Variants in MLST8 observed in about 807,000 individuals in gnomAD.
The protein encoded by MLST8 is MTOR associated protein MLST8.
A neutral mutation model predicts 41.3 loss-of-function variants in MLST8; 20 were observed. That is an observed-to-expected ratio of 0.48 (90% CI 0.34 to 0.70). MLST8 has a LOEUF of 0.70. MLST8 is among the 30% of genes least tolerant of loss of function. The pLI is 0.01. For missense variants in MLST8, 422 were observed against 454.3 expected, an observed-to-expected ratio of 0.93 and a Z score of 0.65; for synonymous variants, 243 against 183.0, an observed-to-expected ratio of 1.33 and a Z score of -2.65.
In MLST8 at chr16:2,208,973, G is replaced by T; in HGVS notation, c.*96G>T. ...AGCAGACCCTCCCCTGCCGGCCTGC[G>T]CCAGCTGGACCTGATGGCCCCCTGT... On this transcript the variant is annotated 3_prime_UTR_variant, in exon 9 of 9. Coordinates refer to ENST00000569417, the MANE Select transcript of MLST8 (RefSeq NM_022372.6). 7.2e-7 allele frequency: 1 copy of T among 1,385,076 alleles called. No individual in the cohort carries two copies. The highest frequency in any genetic ancestry group is 1.0e-6 in the Non-Finnish European group (1 of 992,910). The allele number at this position is 1,385,076 out of a possible 1,614,324, so 85.8% of individuals were successfully genotyped here. A position where few individuals can be genotyped will look rare whatever the true frequency, so the allele number is the denominator to read the frequency against.
Position 2,209,410 on chromosome 16 carries a change from G to C in MLST8, c.*533G>C. ...AGACCGACACGCAGATGTTGCTCGG[G>C]AAGCAGATGTCGATGCAGAGATAAA... On this transcript the variant is annotated 3_prime_UTR_variant, in exon 9 of 9. Coordinates refer to ENST00000569417, the MANE Select transcript of MLST8 (RefSeq NM_022372.6). 2 of 1,613,858 alleles carry C rather than the reference G, an allele frequency of 1.2e-6. No homozygotes were observed. Among genetic ancestry groups the C allele is most frequent in the African/African-American group, 1.3e-5 (1 of 75,062 alleles).
At position 2,206,591 on chromosome 16, in the gene MLST8, C is replaced by T. The variant is rs1344578583; in HGVS notation, c.276C>T (p.Gly92=). 2 of 1,613,954 alleles carry T rather than the reference C, an allele frequency of 1.2e-6. No individual in the cohort carries two copies. Among genetic ancestry groups the T allele is most frequent in the African/African-American group, 2.7e-5 (2 of 74,894 alleles). ...TCAACAAGAACATCGCGTCTGTGGG[C>T]TTCCACGAAGACGGCCGCTGGATGT... ...DGVNKNIASV[G]FHEDGRWMYT... is the part of the protein sequence containing the mutation. Residue 92 remains glycine (G), a synonymous_variant, in exon 4 of 9, where the codon GGC becomes GGT. Coordinates refer to ENST00000569417, the MANE Select transcript of MLST8 (RefSeq NM_022372.6).
In MLST8 at chr16:2,209,136, G is replaced by A. The variant is rs927806109; in HGVS notation, c.*259G>A. 2.0e-5 allele frequency: 13 copies of A among 641,584 alleles called. No individual in the cohort carries two copies. The highest frequency in any genetic ancestry group is 3.9e-5 in the South Asian group (2 of 51,798). 39.7% of individuals were successfully genotyped at this position (641,584 alleles called of 1,614,324 possible). A position where few individuals can be genotyped will look rare whatever the true frequency, so the allele number is the denominator to read the frequency against. The stretch of plus-strand genomic sequence containing the variant: ...CCTGCACTGCCTGGGAAAGTCGGCC[G>A]AGGGCCCAAAGCTGCTGAGGGGTCT... On this transcript the variant is annotated 3_prime_UTR_variant, in exon 9 of 9. Transcript: ENST00000569417.
At position 2,206,079 on chromosome 16, in the gene MLST8, C is replaced by T. The variant is rs772374136; in HGVS notation, c.-7C>T. ...CGTTCAGCTCTAGGGCCCGTGCAGG[C>T]CACACCATGAACACCTCCCCAGGCA... On this transcript the variant is annotated 5_prime_UTR_variant, in exon 2 of 9. Coordinates refer to ENST00000569417, the MANE Select transcript of MLST8 (RefSeq NM_022372.6). 3 of 1,593,210 alleles carry T rather than the reference C, an allele frequency of 1.9e-6. No individual in the cohort carries two copies. The highest frequency in any genetic ancestry group is 2.2e-5 in the South Asian group (2 of 89,386).
chr16:2,207,563 C>T (rs563556080), intron 6 of MLST8: 1 of 586,140 alleles, frequency 1.7e-6, no homozygotes, highest in Non-Finnish European at 3.0e-6. Flanking sequence ...TGGAGTCTCT[C>T]CCAAGTCGAT....
At chr16:2,208,154 C>T (rs1414742051) in intron 6 of MLST8, 56 bp from the exon 7 acceptor site, 2 of 1,541,194 alleles carry the variant, frequency 1.3e-6, no homozygotes, top group Admixed American at 1.9e-5. Flanking sequence ...GGCATCCTTC[C>T]CTGTGTCTCA....
At chr16:2,206,803 G>A (rs1485652332) in intron 4 of MLST8, 144 bp downstream of exon 4, 17 of 1,076,530 alleles carry the variant, frequency 1.6e-5, no homozygotes, top group Non-Finnish European at 2.2e-5. Flanking sequence ...CAGGAGGAGA[G>A]TGAATTGCAT....
rs775745279 is a variant in MLST8 at position 2,208,431 on chromosome 16, C to T, written c.699-19C>T. 1.9e-6 allele frequency: 3 copies of T among 1,611,654 alleles called. No individual in the cohort carries two copies. In the Admixed American group the frequency reaches 5.0e-5, roughly 27 times the overall value. ...GATGGAGTGGCTGCTGCTGGACACG[C>T]CCCATGCCCACCCACTAGGCTCCTC... On this transcript the variant is annotated intron_variant, in intron 7 of 8. Transcript: ENST00000569417.
In MLST8 at chr16:2,208,472, G is replaced by C; in HGVS notation, c.721G>C (p.Asp241His). The C allele has an allele frequency of 6.2e-7, 1 of 1,612,996 alleles. No individual in the cohort carries two copies. The highest frequency in any genetic ancestry group is 8.5e-7 in the Non-Finnish European group (1 of 1,179,798). Residue 241 changes from aspartate to histidine, a missense_variant, in exon 8 of 9, where the codon GAT (aspartate) becomes CAT (histidine). Asp to His is a moderately conservative substitution (Grantham distance 81, BLOSUM62 -1). Coordinates refer to ENST00000569417, the MANE Select transcript of MLST8 (RefSeq NM_022372.6). ...TAGGCTCCTCGCCACCTGCTCGGCTGATCAGACGTGCAAGATCTGGAGGAC... is the reference window on the plus strand; with the variant it reads ...TAGGCTCCTCGCCACCTGCTCGGCTCATCAGACGTGCAAGATCTGGAGGAC... ...DSTLLATCSA[D>H]QTCKIWRTSN...
chr16:2,207,410 G>C (rs1424936019), intron 6 of MLST8, 65 bp downstream of exon 6: 1 of 1,573,438 alleles, frequency 6.4e-7, no homozygotes, highest in Non-Finnish European at 8.7e-7. Context: ...CTCTGCAGGT[G>C]GGCTTATTCC....
At chr16:2,208,112 A>G (rs2093332036) in intron 6 of MLST8, 98 bp from the exon 7 acceptor site, 4 of 1,439,938 alleles carry the variant, frequency 2.8e-6, no homozygotes, top group South Asian at 1.4e-5. Context: ...CGGGGTCCCC[A>G]TGCACAGTTG....
In MLST8 at chr16:2,207,688, G is replaced by A. The variant is rs745321481; in HGVS notation, c.573+343G>A. 1.3e-4 allele frequency: 48 copies of A among 359,370 alleles called. 1 individual carries two copies. Among genetic ancestry groups the A allele is most frequent in the Non-Finnish European group, 2.2e-4 (42 of 193,442 alleles). 22.3% of individuals were successfully genotyped at this position (359,370 alleles called of 1,614,324 possible). ...CCCTCCCTGACCTCCCCTGGCCCCT[G>A]ACACGTTCTCTCTTGGATGCTTCTA... On this transcript the variant is annotated intron_variant, in intron 6 of 8. Coordinates refer to ENST00000569417, the MANE Select transcript of MLST8 (RefSeq NM_022372.6).
At position 2,208,237 on chromosome 16, in the gene MLST8, G is replaced by T; in HGVS notation, c.601G>T (p.Gly201Trp). ...AAACTGCTATGTCTGGAATCTGACGGGGGGCATTGGTGACGAGGTGACCCA... is the reference window on the plus strand; with the variant it reads ...AAACTGCTATGTCTGGAATCTGACGTGGGGCATTGGTGACGAGGTGACCCA... ...TGNCYVWNLT[G>W]GIGDEVTQLI... is the part of the protein sequence containing the mutation. The change falls in exon 7 of 9, where the codon GGG becomes TGG. Residue 201 changes from glycine (G) to tryptophan (W), a missense_variant. Transcript: ENST00000569417. 2 of 1,613,306 alleles carry T rather than the reference G, an allele frequency of 1.2e-6. No individual in the cohort carries two copies. The highest frequency in any genetic ancestry group is 1.7e-6 in the Non-Finnish European group (2 of 1,179,554).
At position 2,209,331 on chromosome 16, in the gene MLST8, G is replaced by C; in HGVS notation, c.*454G>C. The C allele has an allele frequency of 6.3e-7, 1 of 1,591,156 alleles. No individual in the cohort carries two copies. The highest frequency in any genetic ancestry group is 1.1e-5 in the South Asian group (1 of 89,420). On this transcript the variant is annotated 3_prime_UTR_variant, in exon 9 of 9. Transcript: ENST00000569417. ...GTGGCCTGGCCAGCCCACTGGATTG[G>C]GGACGGGCCAGGCTGGGCCAGGTCG...
Position 2,209,349 on chromosome 16 carries a change from C to T in MLST8, c.*472C>T. 1 of 1,606,150 alleles carries T rather than the reference C, an allele frequency of 6.2e-7. No individual in the cohort carries two copies. On this transcript the variant is annotated 3_prime_UTR_variant, in exon 9 of 9. Coordinates refer to ENST00000569417, the MANE Select transcript of MLST8 (RefSeq NM_022372.6). ...TGGATTGGGGACGGGCCAGGCTGGG[C>T]CAGGTCGGGGGCTCAGTCTGGGAGG...
At chr16:2,206,831 C>G in intron 4 of MLST8, 172 bp downstream of exon 4, 4 of 1,028,026 alleles carry the variant, frequency 3.9e-6, no homozygotes, top group Non-Finnish European at 5.9e-6. Flanking sequence ...CGAGTCCTGC[C>G]TTGAGCCCGG....
Position 2,207,175 on chromosome 16 carries a change from A to C in MLST8, c.421-18A>C, listed in dbSNP as rs984225736. 6.2e-7 allele frequency: 1 copy of C among 1,613,100 alleles called. No individual in the cohort carries two copies. Among genetic ancestry groups the C allele is most frequent in the Non-Finnish European group, 8.5e-7 (1 of 1,179,338 alleles). On this transcript the variant is annotated intron_variant, in intron 5 of 8. Transcript: ENST00000569417. ...GAGGGCTGGGCTTGGGCCCTGCCTC[A>C]CCACCCCTGCACCCCAGGCAGAGCT...
At chr16:2,208,646 C>T (rs755358283) in intron 8 of MLST8, 33 bp downstream of exon 8, 1 of 1,611,630 alleles carries the variant, frequency 6.2e-7, no homozygotes, top group South Asian at 1.1e-5. Flanking sequence ...CCATCCCTGG[C>T]CCCCGGCGCT....
chr16:2,206,455 GACCTC>G, intron 3 of MLST8, 37 bp from the exon 4 acceptor site: 1 of 1,613,410 alleles, frequency 6.2e-7, no homozygotes, highest in Non-Finnish European at 8.5e-7. Context: ...CTGGTGGGTC[GACCTC>G]AGCACAGCCA....
Sources: allele counts gnomAD v4.1 joint callset, GRCh38; gene constraint gnomAD v4.1.1; transcripts MANE v1.5; gene names NCBI Gene and HGNC (gene_info 2026-07-23, HGNC 2026-07-21).